COL23A1: variants seen among roughly 807,000 people sequenced by gnomAD.
The protein encoded by COL23A1 is collagen type XXIII alpha 1 chain, also known as collagen alpha-1(XXIII) chain.
Under a neutral mutation model 99.3 loss-of-function variants are expected in COL23A1, and 97 were observed. The ratio of observed to expected loss-of-function variants is 0.98; its 90% CI spans 0.83 to 1.16. The LOEUF is 1.16. COL23A1 is among the 50% of genes most tolerant of loss of function. COL23A1 has a pLI of 0.00. For missense variants in COL23A1, 762 were observed against 757.4 expected (o/e 1.01, Z -0.07); for synonymous variants, 320 against 308.2 (o/e 1.04, Z -0.40).
rs530551739 is a variant in COL23A1 at position 178,455,379 on chromosome 5, C to G, written c.361+105303G>C. ...GCATGGGAGGGCTGCCCGCCTGACC[C>G]TGGCATCGGCTGACACAGCAGGGTG... On this transcript the variant is annotated intron_variant, in intron 2 of 28. Transcript: ENST00000390654. Among the ~76,000 whole-genome samples, 8 of 152,202 alleles carry G rather than the reference C, an allele frequency of 5.3e-5. 1 individual carries two copies. The highest frequency in any genetic ancestry group is 5.2e-4 in the Admixed American group (8 of 15,286).
At chr5:178,268,790 A>G (rs1328632240) in intron 6 of COL23A1, 34 bp from the exon 7 acceptor site, 1 of 1,590,666 alleles carries the variant, frequency 6.3e-7, no homozygotes, top group Admixed American at 1.7e-5. Context: ...AACAGACCTG[A>G]GTGAGGGGCC....
chr5:178,274,806 G>A (rs1046876770), intron 5 of COL23A1, among the ~76,000 whole-genome samples: 2 of 152,162 alleles, frequency 1.3e-5, no homozygotes, highest in Admixed American at 1.3e-4. Flanking sequence ...GGATGCCACA[G>A]CACTGTGCCT....
chr5:178,450,401 T>C lies in COL23A1; in HGVS notation c.361+110281A>G, dbSNP rs566656760. On this transcript the variant is annotated intron_variant, in intron 2 of 28. Transcript: ENST00000390654. Reference sequence around the variant, plus strand: ...AGAGAAGGTGCGTGCCACCCCGCCCTTTCCTTTCTTGCTTCCTGCAGGCTG... The same window carrying C: ...AGAGAAGGTGCGTGCCACCCCGCCCCTTCCTTTCTTGCTTCCTGCAGGCTG... Among the ~76,000 whole-genome samples the C allele has an allele frequency of 3.9e-5, 6 of 152,312 alleles. No individual in the cohort carries two copies. In the East Asian group the frequency reaches 1.2e-3, roughly 29 times the overall value.
rs536306999 is a variant in COL23A1, at chr5:178,247,778, CGGGCCTGGG to C, written c.1257_1265del (p.Pro420_Pro422del). On this transcript the variant is annotated inframe_deletion, in exon 21 of 29. Coordinates refer to ENST00000390654, the MANE Select transcript of COL23A1 (RefSeq NM_173465.4). Reference sequence around the variant, plus strand: ...AACCAAAGCAAACCGTCCTTACCATCGGGCCTGGGGGGCCAGGGGGGCCAGGGGGCCCTG... The same window carrying C: ...AACCAAAGCAAACCGTCCTTACCATCGGGCCAGGGGGGCCAGGGGGCCCTG... The C allele has an allele frequency of 2.5e-6, 4 of 1,613,340 alleles. No homozygotes were observed. Among genetic ancestry groups the C allele is most frequent in the African/African-American group, 2.7e-5 (2 of 74,976 alleles).
At chr5:178,292,872 C>G (rs1267100707) in intron 3 of COL23A1, among the ~76,000 whole-genome samples, 2 of 152,260 alleles carry the variant, frequency 1.3e-5, no homozygotes, top group African/African-American at 2.4e-5. Flanking sequence ...AAGAGAAGAT[C>G]AAGAAGTCCT....
In COL23A1 at chr5:178,268,683, A is replaced by G. The variant is rs777532268; in HGVS notation, c.495+47T>C. ...TGGCGTTCGGAGGCAGGTTTCTGGGATTCTTCGCCTGCCTACCACATCTGC... is the reference window on the plus strand; with the variant it reads ...TGGCGTTCGGAGGCAGGTTTCTGGGGTTCTTCGCCTGCCTACCACATCTGC... On this transcript the variant is annotated intron_variant, in intron 7 of 28. Transcript: ENST00000390654. 4.4e-5 allele frequency: 70 copies of G among 1,578,730 alleles called. No homozygotes were observed. The East Asian group carries it at 6.4e-4, about 14-fold the overall frequency.
At chr5:178,431,876 A>C (rs994534138) in intron 2 of COL23A1, among the ~76,000 whole-genome samples, 1 of 152,244 alleles carries the variant, frequency 6.6e-6, no homozygotes, top group Non-Finnish European at 1.5e-5. Flanking sequence ...GTCACGAAAT[A>C]TCTCACTTGG....
In COL23A1 at chr5:178,247,785, GGGGGGCCAGGGGGGCCA is replaced by G. The variant is rs1167907048; in HGVS notation, c.1242_1258del (p.Gly415ArgfsTer26). Reference sequence around the variant, plus strand: ...GCAAACCGTCCTTACCATCGGGCCTGGGGGGCCAGGGGGGCCAGGGGGCCCTGGCTCCACTATGAGCT... The same window carrying G: ...GCAAACCGTCCTTACCATCGGGCCTGGGGGGCCCTGGCTCCACTATGAGCT... On this transcript the variant is annotated frameshift_variant, in exon 21 of 29. Transcript: ENST00000390654. LOFTEE classifies it high-confidence loss of function. The G allele has an allele frequency of 1.9e-6, 3 of 1,610,582 alleles. No individual in the cohort carries two copies. Among genetic ancestry groups the G allele is most frequent in the Non-Finnish European group, 2.5e-6 (3 of 1,178,246 alleles).
At position 178,299,944 on chromosome 5, in the gene COL23A1, G is replaced by A. The variant is rs550267080; in HGVS notation, c.406+6931C>T. On this transcript the variant is annotated intron_variant, in intron 3 of 28. Transcript: ENST00000390654. The stretch of plus-strand genomic sequence containing the variant: ...AATTTTTGTATTATTAGTAGAGAGG[G>A]GGTTTCACCATGTTGACCAGGTTGG... 3.1e-3 allele frequency among the ~76,000 whole-genome samples: 464 copies of A among 151,994 alleles called. 6 individuals carry two copies. The highest frequency in any genetic ancestry group is 0.01 in the African/African-American group (435 of 41,482).
intron 2 of COL23A1, among the ~76,000 whole-genome samples, chr5:178,370,891 G>A (rs539482165): frequency 4.5e-4 from 69 of 152,246 alleles, no homozygotes; most frequent in Non-Finnish European, 8.4e-4. Context: ...GCAGTGAGCC[G>A]TGATCACATA....
intron 2 of COL23A1, among the ~76,000 whole-genome samples, chr5:178,331,295 A>G (rs2913789): frequency 0.53 from 80,641 of 152,142 alleles, 22,186 homozygotes; most frequent in East Asian, 0.9. Context: ...TGCAGCGCCT[A>G]CAAATCAGAG....
chr5:178,398,430 C>G (rs191479978), intron 2 of COL23A1, among the ~76,000 whole-genome samples: 2 of 152,150 alleles, frequency 1.3e-5, no homozygotes, highest in African/African-American at 4.8e-5. Context: ...AGTTCAAGAC[C>G]AGCCTGGGCA....
intron 2 of COL23A1, among the ~76,000 whole-genome samples, chr5:178,557,785 G>T (rs1050023170): frequency 6.6e-6 from 1 of 152,196 alleles, no homozygotes; most frequent in Non-Finnish European, 1.5e-5. Context: ...AGGACTTCTG[G>T]TGTTGGAGAC....
chr5:178,347,636 C>A (rs1291151166), intron 2 of COL23A1, among the ~76,000 whole-genome samples: 1 of 151,592 alleles, frequency 6.6e-6, no homozygotes, highest in Non-Finnish European at 1.5e-5. Context: ...GTAATCCCAG[C>A]ACTTTGGGAG....
intron 2 of COL23A1, among the ~76,000 whole-genome samples, chr5:178,493,966 GC>G (rs1581499411): frequency 1.3e-5 from 2 of 152,232 alleles, no homozygotes; most frequent in African/African-American, 4.8e-5. Flanking sequence ...TTAGGTATGA[GC>G]CACTAGCGTG....
chr5:178,527,530 T>G (rs548211844), intron 2 of COL23A1, among the ~76,000 whole-genome samples: 1 of 152,266 alleles, frequency 6.6e-6, no homozygotes, highest in Non-Finnish European at 1.5e-5. Flanking sequence ...CTGGCCCGGG[T>G]GGATGGTGTG....
At chr5:178,576,813 C>T (rs1428222482) in intron 1 of COL23A1, among the ~76,000 whole-genome samples, 12 of 152,006 alleles carry the variant, frequency 7.9e-5, no homozygotes, top group Admixed American at 7.9e-4. Context: ...GCCAGGCCTC[C>T]GCCTCCAGCG....
chr5:178,350,854 G>C (rs958597236), intron 2 of COL23A1: 2 of 152,350 alleles, frequency 1.3e-5, no homozygotes, highest in Non-Finnish European at 2.9e-5. Context: ...CCTGACTCTG[G>C]GCCAGCTATG....
At chr5:178,377,067 G>A (rs997450767) in intron 2 of COL23A1, among the ~76,000 whole-genome samples, 7 of 152,214 alleles carry the variant, frequency 4.6e-5, no homozygotes, top group African/African-American at 1.7e-4. Context: ...GCGATGCCCC[G>A]CAGCCTGTTT....
Sources: allele counts gnomAD v4.1 joint callset (sites outside exome capture counted in the v4.1 genomes callset), GRCh38; gene constraint gnomAD v4.1.1; transcripts MANE v1.5; gene names NCBI Gene and HGNC (gene_info 2026-07-23, HGNC 2026-07-21).